CACNA2D3: variants seen among roughly 807,000 people sequenced by gnomAD.
CACNA2D3 encodes the protein voltage-dependent calcium channel subunit alpha-2/delta-3.
A neutral mutation model predicts 160.6 loss-of-function variants in CACNA2D3; 60 were observed. The observed-to-expected ratio is 0.37, with a 90% CI of 0.30 to 0.46. CACNA2D3 has a LOEUF of 0.46. Ranked by LOEUF, CACNA2D3 falls within the 20% of genes least tolerant of loss-of-function variation. CACNA2D3 has a pLI of 1.00. For missense variants in CACNA2D3, 1,205 were observed against 1,365.0 expected, an observed-to-expected ratio of 0.88 and a Z score of 1.85; for synonymous variants, 558 against 492.9, an observed-to-expected ratio of 1.13 and a Z score of -1.75.
chr3:54,467,027 A>G (rs1385538013), intron 4 of CACNA2D3, among the ~76,000 whole-genome samples: 1 of 152,252 alleles, frequency 6.6e-6, no homozygotes, highest in Non-Finnish European at 1.5e-5. Context: ...AGTAACTTTT[A>G]AACTTAAAAG....
intron 34 of CACNA2D3, among the ~76,000 whole-genome samples, chr3:55,011,323 C>T (rs1233610491): frequency 6.6e-6 from 1 of 152,210 alleles, no homozygotes; most frequent in African/African-American, 2.4e-5. Flanking sequence ...TTGCTCCTCC[C>T]TGCTGGGTTG....
At chr3:54,884,610 A>C (rs988772447) in intron 21 of CACNA2D3, among the ~76,000 whole-genome samples, 2 of 152,210 alleles carry the variant, frequency 1.3e-5, no homozygotes, top group Non-Finnish European at 2.9e-5. Context: ...GTGCAATGAA[A>C]CAGTTATCCT....
intron 2 of CACNA2D3, among the ~76,000 whole-genome samples, chr3:54,223,736 C>A (rs28855116): frequency 1.3e-5 from 2 of 151,216 alleles, no homozygotes; most frequent in African/African-American, 2.4e-5. Context: ...TGCTGAATCC[C>A]GTCTACTCAG....
At chr3:54,902,473 C>G (rs149183450) in intron 27 of CACNA2D3, among the ~76,000 whole-genome samples, 1 of 152,166 alleles carries the variant, frequency 6.6e-6, no homozygotes, top group Non-Finnish European at 1.5e-5. Flanking sequence ...TCCATCTTCC[C>G]GGCCTATGAC....
intron 3 of CACNA2D3, among the ~76,000 whole-genome samples, chr3:54,330,510 TG>T (rs1381650231): frequency 1.3e-5 from 2 of 152,166 alleles, no homozygotes; most frequent in Non-Finnish European, 2.9e-5. Flanking sequence ...CTGCAGACAC[TG>T]GAAGACTGCT....
intron 2 of CACNA2D3, among the ~76,000 whole-genome samples, chr3:54,263,736 G>A (rs1702447330): frequency 6.6e-6 from 1 of 152,010 alleles, no homozygotes; most frequent in African/African-American, 2.4e-5. Context: ...GCTAGACCCC[G>A]GCAACACAGC....
intron 3 of CACNA2D3, among the ~76,000 whole-genome samples, chr3:54,324,979 A>G (rs1223465440): frequency 6.6e-5 from 10 of 152,090 alleles, no homozygotes; most frequent in African/African-American, 2.4e-4. Context: ...TGAGTTGCTG[A>G]TGTTGAGAAA....
At chr3:54,304,293 T>C (rs772214046) in intron 2 of CACNA2D3, among the ~76,000 whole-genome samples, 1 of 152,164 alleles carries the variant, frequency 6.6e-6, no homozygotes. Flanking sequence ...TTTTATTGTC[T>C]TCACTACACC....
At position 54,822,781 on chromosome 3, in the gene CACNA2D3, TC is replaced by T. The variant is rs1559595549; in HGVS notation, c.1398+5912del. ...TTCTTTCTTTCTTTCTTTCTTTCTT[TC>T]TTTCTTTCCTTTCTTTCTTTCTTTC... is the stretch of plus-strand genomic sequence containing the variant. On this transcript the variant is annotated intron_variant, in intron 14 of 37. Coordinates refer to ENST00000474759, the MANE Select transcript of CACNA2D3 (RefSeq NM_018398.3). 1.4e-4 allele frequency among the ~76,000 whole-genome samples: 12 copies of T among 83,486 alleles called. 2 individuals carry two copies. The highest frequency in any genetic ancestry group is 4.5e-4 in the South Asian group (1 of 2,232). 54.8% of individuals were successfully genotyped at this position (83,486 alleles called of 152,430 possible).
At chr3:54,808,891 G>A (rs1430521982) in intron 13 of CACNA2D3, among the ~76,000 whole-genome samples, 3 of 152,072 alleles carry the variant, frequency 2.0e-5, no homozygotes, top group Non-Finnish European at 4.4e-5. Context: ...CCTCTCATAC[G>A]CTATCGGATT....
At chr3:54,443,161 C>T (rs1326889097) in intron 4 of CACNA2D3, among the ~76,000 whole-genome samples, 1 of 152,174 alleles carries the variant, frequency 6.6e-6, no homozygotes, top group African/African-American at 2.4e-5. Context: ...GAATAAACTT[C>T]TCTTATTTTA....
chr3:54,995,040 C>T (rs934221579), intron 31 of CACNA2D3, among the ~76,000 whole-genome samples: 2 of 152,108 alleles, frequency 1.3e-5, no homozygotes, highest in Admixed American at 6.5e-5. Flanking sequence ...ATGGTGCAAT[C>T]TTGGCTTACT....
In CACNA2D3 at chr3:55,004,756, C is replaced by G. The variant is rs1291623926; in HGVS notation, c.2691-7C>G. 1 of 1,608,020 alleles carries G rather than the reference C, an allele frequency of 6.2e-7. No homozygotes were observed. Among genetic ancestry groups the G allele is most frequent in the East Asian group, 2.2e-5 (1 of 44,798 alleles). On this transcript the variant is annotated splice_polypyrimidine_tract_variant and splice_region_variant and intron_variant, in intron 31 of 37. Transcript: ENST00000474759. Reference sequence around the variant, plus strand: ...TAGTGAAGCTCCCTTCCATTTCTTTCCTGTAGAATTACCCTTTATGACTAC... The same window carrying G: ...TAGTGAAGCTCCCTTCCATTTCTTTGCTGTAGAATTACCCTTTATGACTAC...
chr3:54,374,649 C>T (rs1232878222), intron 3 of CACNA2D3, among the ~76,000 whole-genome samples: 2 of 152,160 alleles, frequency 1.3e-5, no homozygotes, highest in African/African-American at 2.4e-5. Context: ...GCTGGACACC[C>T]CCTGGAGGCA....
Position 54,594,054 on chromosome 3 carries a change from A to T in CACNA2D3, c.963+12177A>T, listed in dbSNP as rs139336524. Among the ~76,000 whole-genome samples the T allele has an allele frequency of 4.7e-4, 72 of 152,362 alleles. No homozygotes were observed. The East Asian group carries it at 0.012, about 25-fold the overall frequency. ...TGGGGAACTAACACGATTAGCCAGT[A>T]TATGCCAATAAATTGTTTGGGTTAA... On this transcript the variant is annotated intron_variant, in intron 9 of 37. Coordinates refer to ENST00000474759, the MANE Select transcript of CACNA2D3 (RefSeq NM_018398.3).
chr3:54,442,476 C>G (rs1700160068), intron 4 of CACNA2D3, among the ~76,000 whole-genome samples: 1 of 152,156 alleles, frequency 6.6e-6, no homozygotes, highest in Admixed American at 6.5e-5. Flanking sequence ...GAATCTGGTA[C>G]ATCAATGATG....
Position 55,060,199 on chromosome 3 carries a change from T to G in CACNA2D3, c.2988-13246T>G, listed in dbSNP as rs1364708009. On this transcript the variant is annotated intron_variant, in intron 35 of 37. Transcript: ENST00000474759. ...TGCCTGAGAGCTGGAATCCAGATCA[T>G]ACCTATTAAACCTGTGCTATCTTAA... Among the ~76,000 whole-genome samples, 9 of 152,272 alleles carry G rather than the reference T, an allele frequency of 5.9e-5. No homozygotes were observed. The East Asian group carries it at 1.7e-3, about 30-fold the overall frequency.
chr3:54,432,639 T>C (rs1350522294), intron 4 of CACNA2D3, among the ~76,000 whole-genome samples: 3 of 152,194 alleles, frequency 2.0e-5, no homozygotes, highest in Admixed American at 6.5e-5. Flanking sequence ...TAAGGTATTA[T>C]TGAAACACTA....
At chr3:54,822,795 CTTTCTTTCTTT>C (rs1559595655) in intron 14 of CACNA2D3, among the ~76,000 whole-genome samples, 23 of 62,460 alleles carry the variant, frequency 3.7e-4, no homozygotes, top group South Asian at 1.1e-3. Flanking sequence ...TCTTTCCTTT[CTTTCTTTCTTT>C]CTTTCTTTCT....
Sources: allele counts gnomAD v4.1 joint callset (sites outside exome capture counted in the v4.1 genomes callset), GRCh38; gene constraint gnomAD v4.1.1; transcripts MANE v1.5; gene names NCBI Gene and HGNC (gene_info 2026-07-23, HGNC 2026-07-21).